The following ATP2B3 variants were observed in gnomAD, a reference collection of about 807,000 sequenced individuals.
ATP2B3 encodes plasma membrane calcium-transporting ATPase 3.
Under a neutral mutation model 70.8 loss-of-function variants are expected in ATP2B3, and 12 were observed. That is an observed-to-expected ratio of 0.17 (90% CI 0.11 to 0.27). The LOEUF is 0.27. Among genes scored for constraint, ATP2B3 ranks in the 10% least tolerant of loss-of-function variants. The pLI is 1.00. For synonymous variants in ATP2B3, 460 were observed against 497.8 expected (o/e 0.92, Z 1.01); for missense variants, 858 against 1,118.5 (o/e 0.77, Z 3.32).
At position 153,548,792 on chromosome X, in the gene ATP2B3, G is replaced by A; in HGVS notation, c.1276G>A (p.Val426Ile). ...CTTCATCATTGGTGTCACTGTGCTG[G>A]TCGTGGCTGTCCCAGAGGGCCTGCC... ...KFFIIGVTVL[V>I]VAVPEGLPLA... Residue 426 changes from valine (V) to isoleucine (I), a missense_variant, in exon 10 of 22, where the codon GTC (valine) becomes ATC (isoleucine). This residue lies in a region of ATP2B3 where 23 missense variants were observed against 59.0 expected (regional missense o/e 0.39). Transcript: ENST00000263519. 8.3e-7 allele frequency: 1 copy of A among 1,211,936 alleles called. No homozygotes were observed. The highest frequency in any genetic ancestry group is 1.1e-6 in the Non-Finnish European group (1 of 895,567).
At chrX:153,519,609 G>A (rs1276981932) in intron 2 of ATP2B3, among the ~76,000 whole-genome samples, 8 of 112,725 alleles carry the variant, frequency 7.1e-5, no homozygotes, top group Non-Finnish European at 1.5e-4. Flanking sequence ...CCCAGGGTGA[G>A]GTCAGCCCCT....
intron 8 of ATP2B3, among the ~76,000 whole-genome samples, chrX:153,546,430 T>C (rs5945136): frequency 0.046 from 5,237 of 112,742 alleles, 137 homozygotes; most frequent in South Asian, 0.17. Flanking sequence ...GAGTCCACTC[T>C]GGCCAGATGA....
intron 3 of ATP2B3, among the ~76,000 whole-genome samples, chrX:153,537,618 C>T (rs782444500): frequency 2.7e-5 from 3 of 112,872 alleles, no homozygotes; most frequent in Non-Finnish European, 5.6e-5. Context: ...AGCTGATGCG[C>T]CCGTGACACC....
At chrX:153,531,445 G>A (rs1180164050) in intron 2 of ATP2B3, among the ~76,000 whole-genome samples, 1 of 113,417 alleles carries the variant, frequency 8.8e-6, no homozygotes, top group Non-Finnish European at 1.9e-5. Context: ...AATCCCCGTA[G>A]TGAGTCACGT....
chrX:153,541,271 A>T, intron 3 of ATP2B3, 88 bp from the exon 4 acceptor site: 1 of 1,099,536 alleles, frequency 9.1e-7, no homozygotes, highest in Non-Finnish European at 1.2e-6. Context: ...AGGAGCAGTC[A>T]GTCAGGGCCA....
intron 20 of ATP2B3, 86 bp from the exon 21 acceptor site, chrX:153,564,835 C>A: frequency 1.1e-6 from 1 of 944,741 alleles, no homozygotes; most frequent in Non-Finnish European, 1.4e-6. Flanking sequence ...AGAAGGAGGC[C>A]GGCGTCTCCC....
At chrX:153,544,049 G>A (rs782124047) in intron 7 of ATP2B3, among the ~76,000 whole-genome samples, 7 of 113,030 alleles carry the variant, frequency 6.2e-5, no homozygotes, top group East Asian at 2.8e-4. Context: ...GACCCTCTGT[G>A]GCCTAGAAGC....
intron 2 of ATP2B3, among the ~76,000 whole-genome samples, chrX:153,528,399 C>T (rs1459060578): frequency 2.7e-5 from 3 of 111,557 alleles, no homozygotes; most frequent in South Asian, 3.8e-4. Context: ...GCCTCTCATC[C>T]GTGGCTCTAT....
At chrX:153,537,407 G>A (rs781891937) in intron 3 of ATP2B3, among the ~76,000 whole-genome samples, 182 of 113,624 alleles carry the variant, frequency 1.6e-3, no homozygotes, top group African/African-American at 5.6e-3. Flanking sequence ...GCTCCCAGCC[G>A]TGAGGCTCCT....
chrX:153,569,981 T>C, intron 21 of ATP2B3: 2 of 418,279 alleles, frequency 4.8e-6, no homozygotes, highest in Non-Finnish European at 8.1e-6. Flanking sequence ...CCTCCCGTTC[T>C]TTGCTTTGTT....
chrX:153,550,666 CTTTTT>C (rs2090443549), intron 12 of ATP2B3, among the ~76,000 whole-genome samples: 1 of 111,800 alleles, frequency 8.9e-6, no homozygotes, highest in African/African-American at 3.3e-5. Context: ...ACCTTCCTTT[CTTTTT>C]TTGTTTTGTT....
intron 8 of ATP2B3, among the ~76,000 whole-genome samples, chrX:153,546,823 G>A (rs895233812): frequency 9.7e-5 from 11 of 113,157 alleles, no homozygotes; most frequent in African/African-American, 3.5e-4. Context: ...CGCCCTGTGC[G>A]GAGCTGGGTT....
In ATP2B3 at chrX:153,549,837, G is replaced by A; in HGVS notation, c.1581+98G>A. The A allele has an allele frequency of 5.5e-6, 6 of 1,082,503 alleles. No homozygotes were observed. The South Asian group carries it at 1.3e-4, about 24-fold the overall frequency. 89.2% of individuals were successfully genotyped at this position (1,082,503 alleles called of 1,213,427 possible). A position where few individuals can be genotyped will look rare whatever the true frequency, so the allele number is the denominator to read the frequency against. ...TGAGCTGTTGCAAGGTGCTCATTAG[G>A]CCCCCCCTTGAGAACTTTTGCCCAT... On this transcript the variant is annotated intron_variant, in intron 11 of 21. Coordinates refer to ENST00000263519, the MANE Select transcript of ATP2B3 (RefSeq NM_001001344.3).
chrX:153,546,511 C>G (rs2090368537), intron 8 of ATP2B3, among the ~76,000 whole-genome samples: 1 of 113,232 alleles, frequency 8.8e-6, no homozygotes, highest in Non-Finnish European at 1.9e-5. Flanking sequence ...CCCAGGCCAG[C>G]TTCCTTTCAG....
intron 3 of ATP2B3, among the ~76,000 whole-genome samples, chrX:153,538,072 CCCT>C (rs1557004869): frequency 8.9e-6 from 1 of 112,879 alleles, no homozygotes; most frequent in Non-Finnish European, 1.9e-5. Flanking sequence ...CCGGCCCCTC[CCCT>C]CTTCAACCCT....
intron 3 of ATP2B3, 150 bp from the exon 4 acceptor site, chrX:153,541,209 A>T: frequency 1.6e-6 from 1 of 626,430 alleles, no homozygotes; most frequent in Non-Finnish European, 2.5e-6. Context: ...GCTCCTGTCT[A>T]GAGGGAGAGC....
At chrX:153,566,533 C>T (rs977510765) in intron 21 of ATP2B3, among the ~76,000 whole-genome samples, 1 of 111,780 alleles carries the variant, frequency 8.9e-6, no homozygotes, top group African/African-American at 3.3e-5. Flanking sequence ...TCTCAAGGGA[C>T]CCAGCCTCAG....
In ATP2B3 at chrX:153,582,088, C is replaced by T. The variant is rs1255411499; in HGVS notation, c.*1790C>T. On this transcript the variant is annotated 3_prime_UTR_variant, in exon 22 of 22. Transcript: ENST00000263519. ...AGGGACAGAGGATCGGAATGGAAAC[C>T]ACCAACGTGCACTGGCACCCTCAGA... The T allele has an allele frequency of 8.9e-6, 1 of 111,797 alleles. No individual in the cohort carries two copies. The allele number at this position is 111,797 out of a possible 1,213,427, so 9.2% of individuals were successfully genotyped here. A position where few individuals can be genotyped will look rare whatever the true frequency, so the allele number is the denominator to read the frequency against.
At chrX:153,565,884 C>T (rs1252380546) in intron 21 of ATP2B3, among the ~76,000 whole-genome samples, 1 of 112,702 alleles carries the variant, frequency 8.9e-6, no homozygotes, top group African/African-American at 3.2e-5. Flanking sequence ...CCTTCCGGCT[C>T]GTGGGGTCGG....
Sources: allele counts gnomAD v4.1 joint callset (sites outside exome capture counted in the v4.1 genomes callset), GRCh38; gene constraint gnomAD v4.1.1; regional missense constraint gnomAD v4.1.1; transcripts MANE v1.5; gene names NCBI Gene and HGNC (gene_info 2026-07-23, HGNC 2026-07-21).